The following NR6A1 variants were observed in gnomAD, a reference collection of about 807,000 sequenced individuals.
NR6A1 encodes the protein nuclear receptor subfamily 6 group A member 1.
Under a neutral mutation model 59.1 loss-of-function variants are expected in NR6A1, and 7 were observed. The observed-to-expected ratio is 0.12, with a 90% CI of 0.07 to 0.22. The LOEUF (loss-of-function observed/expected upper bound fraction) is 0.22, where lower values mean the gene tolerates loss of function less well. Ranked by LOEUF, NR6A1 falls within the 10% of genes least tolerant of loss-of-function variation. The pLI, the probability that NR6A1 is intolerant of heterozygous loss-of-function variation, is 1.00. For missense variants in NR6A1, 468 were observed against 611.6 expected (o/e 0.77, Z 2.48); for synonymous variants, 243 against 236.1 (o/e 1.03, Z -0.27).
intron 6 of NR6A1, 125 bp from the exon 7 acceptor site, chr9:124,536,257 G>C: frequency 9.5e-7 from 1 of 1,058,094 alleles, no homozygotes; most frequent in South Asian, 1.5e-5. Context: ...CCATGCCCAC[G>C]GGTCTCCAGT....
At chr9:124,656,255 T>G (rs1185705729) in intron 2 of NR6A1, among the ~76,000 whole-genome samples, 1 of 152,156 alleles carries the variant, frequency 6.6e-6, no homozygotes, top group African/African-American at 2.4e-5. Flanking sequence ...CAGAAGCTGG[T>G]GCCATGCTTC....
intron 2 of NR6A1, among the ~76,000 whole-genome samples, chr9:124,680,332 C>T (rs1242780481): frequency 6.6e-6 from 1 of 152,126 alleles, no homozygotes; most frequent in Non-Finnish European, 1.5e-5. Context: ...TATTCCCCCA[C>T]AACCAGAATA....
intron 2 of NR6A1, among the ~76,000 whole-genome samples, chr9:124,602,978 T>G (rs1383521344): frequency 6.6e-6 from 1 of 152,214 alleles, no homozygotes; most frequent in Non-Finnish European, 1.5e-5. Context: ...CTCTTTTCAC[T>G]ATTTCCTTAT....
chr9:124,620,526 C>T (rs926101124), intron 2 of NR6A1, among the ~76,000 whole-genome samples: 3 of 152,120 alleles, frequency 2.0e-5, no homozygotes, highest in East Asian at 1.9e-4. Flanking sequence ...TGCTATGGCA[C>T]GGACAAACTT....
chr9:124,729,786 C>T (rs1460039900), intron 2 of NR6A1, among the ~76,000 whole-genome samples: 1 of 151,764 alleles, frequency 6.6e-6, no homozygotes, highest in African/African-American at 2.4e-5. Context: ...CTGGTACAAA[C>T]TGAAATAAAA....
chr9:124,573,166 T>A lies in NR6A1; in HGVS notation c.143-18596A>T, dbSNP rs368606945. Among the ~76,000 whole-genome samples the A allele has an allele frequency of 2.2e-3, 333 of 152,290 alleles. 4 individuals carry two copies. The highest frequency in any genetic ancestry group is 7.4e-3 in the African/African-American group (309 of 41,560). Reference sequence around the variant, plus strand: ...GGAAAAATCATCTCTGAATCCCCCCTGGGTAATTCATCTGAAAATGGTAAA... The same window carrying A: ...GGAAAAATCATCTCTGAATCCCCCCAGGGTAATTCATCTGAAAATGGTAAA... On this transcript the variant is annotated intron_variant, in intron 2 of 9. Transcript: ENST00000487099.
intron 2 of NR6A1, 60 bp from the exon 3 acceptor site, chr9:124,554,630 A>C: frequency 6.2e-7 from 1 of 1,606,992 alleles, no homozygotes; most frequent in Non-Finnish European, 8.5e-7. Context: ...CAGTTCCTAA[A>C]GTGAGCAACT....
intron 5 of NR6A1, among the ~76,000 whole-genome samples, chr9:124,538,920 A>C (rs1833363593): frequency 6.6e-6 from 1 of 151,642 alleles, no homozygotes; most frequent in Non-Finnish European, 1.5e-5. Flanking sequence ...AAAAAAAAAA[A>C]ACCTAAGCCA....
chr9:124,650,864 C>T (rs1837078829), intron 2 of NR6A1, among the ~76,000 whole-genome samples: 1 of 152,112 alleles, frequency 6.6e-6, no homozygotes, highest in African/African-American at 2.4e-5. Context: ...TTGAAACATT[C>T]AGGAATAGTC....
chr9:124,537,962 C>G, intron 6 of NR6A1, 130 bp downstream of exon 6: 1 of 671,874 alleles, frequency 1.5e-6, no homozygotes, highest in Non-Finnish European at 2.5e-6. Context: ...CAGATTTGTC[C>G]CCTGACACTT....
intron 4 of NR6A1, among the ~76,000 whole-genome samples, chr9:124,542,686 CTCATACCAGTAACAATAATAGT>C (rs1356903821): frequency 6.6e-6 from 1 of 152,164 alleles, no homozygotes; most frequent in East Asian, 1.9e-4. Context: ...TGCCTCTTGG[CTCATACCAGTAACAATAATAGT>C]TTTTTAAAAT....
At chr9:124,646,727 C>T (rs879430280) in intron 2 of NR6A1, among the ~76,000 whole-genome samples, 48 of 152,096 alleles carry the variant, frequency 3.2e-4, no homozygotes, top group Non-Finnish European at 5.3e-4. Flanking sequence ...TGTGTTGGGC[C>T]ACATTCAAAG....
intron 2 of NR6A1, among the ~76,000 whole-genome samples, chr9:124,609,024 G>C (rs1012967766): frequency 6.6e-6 from 1 of 152,080 alleles, no homozygotes; most frequent in Non-Finnish European, 1.5e-5. Context: ...GTTCCTTGTA[G>C]ATTCTGGATA....
At chr9:124,654,861 ATTT>A (rs535193335) in intron 2 of NR6A1, among the ~76,000 whole-genome samples, 1 of 111,360 alleles carries the variant, frequency 9.0e-6, no homozygotes, top group Non-Finnish European at 1.9e-5. Context: ...TTATACATAC[ATTT>A]TTTTTTTTTG....
At chr9:124,599,051 T>A in intron 2 of NR6A1, 1 of 733,192 alleles carries the variant, frequency 1.4e-6, no homozygotes, top group East Asian at 2.5e-5. Context: ...GGTCCCCTTC[T>A]CCTTGTGCTT....
chr9:124,538,457 A>G (rs978162724), intron 5 of NR6A1, 138 bp from the exon 6 acceptor site: 9 of 632,156 alleles, frequency 1.4e-5, no homozygotes, highest in Middle Eastern at 5.1e-4. Context: ...CATAATTAAT[A>G]GTTAAATTCA....
chr9:124,670,537 C>G (rs1327239966), intron 2 of NR6A1, among the ~76,000 whole-genome samples: 1 of 149,046 alleles, frequency 6.7e-6, no homozygotes, highest in African/African-American at 2.6e-5. Flanking sequence ...ATTATGTCTC[C>G]AGGTTAGCTC....
intron 1 of NR6A1, among the ~76,000 whole-genome samples, chr9:124,756,311 A>G (rs923558125): frequency 6.6e-6 from 1 of 152,172 alleles, no homozygotes; most frequent in African/African-American, 2.4e-5. Flanking sequence ...TGGCTTATTC[A>G]TTTTCTTATT....
At chr9:124,678,200 C>T (rs1838021224) in intron 2 of NR6A1, among the ~76,000 whole-genome samples, 1 of 152,118 alleles carries the variant, frequency 6.6e-6, no homozygotes, top group African/African-American at 2.4e-5. Context: ...AGGCCATGCT[C>T]CCATGCCTAG....
Sources: allele counts gnomAD v4.1 joint callset (sites outside exome capture counted in the v4.1 genomes callset), GRCh38; gene constraint gnomAD v4.1.1; transcripts MANE v1.5; gene names NCBI Gene and HGNC (gene_info 2026-07-23, HGNC 2026-07-21).